Variants in PCDHGB1 observed in about 807,000 individuals in gnomAD.
PCDHGB1 encodes protocadherin gamma-B1.
PCDHGB1 carries 34 observed loss-of-function variants against 56.6 expected under a neutral mutation model. That is an observed-to-expected ratio of 0.60 (90% CI 0.46 to 0.80). The LOEUF (loss-of-function observed/expected upper bound fraction) is 0.80, where lower values mean the gene tolerates loss of function less well. PCDHGB1 is among the 30% of genes least tolerant of loss of function. The pLI is 0.00. For synonymous variants in PCDHGB1, 561 were observed against 505.9 expected, an observed-to-expected ratio of 1.11 and a Z score of -1.46; for missense variants, 1,278 against 1,204.6, an observed-to-expected ratio of 1.06 and a Z score of -0.90.
chr5:141,353,348 A>G (rs1249385439), intron 1 of PCDHGB1, among the ~76,000 whole-genome samples: 2 of 152,194 alleles, frequency 1.3e-5, no homozygotes, highest in Non-Finnish European at 2.9e-5. Context: ...CATCAATTAC[A>G]TTAATTATGT....
intron 1 of PCDHGB1, chr5:141,420,275 G>A: frequency 1.3e-6 from 2 of 1,524,576 alleles, no homozygotes; most frequent in Non-Finnish European, 1.8e-6. Flanking sequence ...TCTTAAACAG[G>A]TAAGTATTTA....
At chr5:141,376,284 G>T (rs1393856164) in intron 1 of PCDHGB1, 12 of 1,614,102 alleles carry the variant, frequency 7.4e-6, no homozygotes, top group Non-Finnish European at 1.0e-5. Flanking sequence ...GGCTTAGCGA[G>T]CATGCCCGGC....
chr5:141,478,102 C>T, intron 1 of PCDHGB1: 1 of 1,614,126 alleles, frequency 6.2e-7, no homozygotes, highest in South Asian at 1.1e-5. Flanking sequence ...CTGCTACCCT[C>T]ACTGTGTCAG....
At chr5:141,394,332 A>G (rs1270394666) in intron 1 of PCDHGB1, 2 of 1,614,010 alleles carry the variant, frequency 1.2e-6, no homozygotes, top group Admixed American at 1.7e-5. Context: ...GTATATCTCC[A>G]TCAACTCTGA....
chr5:141,366,429 T>C (rs1316802460), intron 1 of PCDHGB1: 2 of 1,614,110 alleles, frequency 1.2e-6, no homozygotes, highest in Admixed American at 3.3e-5. Context: ...GTGGCTGCAG[T>C]CTCCTGCGTC....
Position 141,366,209 on chromosome 5 carries a change from C to T in PCDHGB1, c.2409+13540C>T, listed in dbSNP as rs371864119. On this transcript the variant is annotated intron_variant, in intron 1 of 3. Transcript: ENST00000523390. ...GGTTGGGCTGCACACGGGCGAGGTG[C>T]GCACAGCGCGAGCCCTGCTGGACAG... is the stretch of plus-strand genomic sequence containing the variant. The T allele has an allele frequency of 2.5e-6, 4 of 1,613,698 alleles. No individual in the cohort carries two copies. In the African/African-American group the frequency reaches 5.3e-5, roughly 22 times the overall value.
At chr5:141,463,165 C>G (rs1042153238) in intron 1 of PCDHGB1, among the ~76,000 whole-genome samples, 1 of 152,148 alleles carries the variant, frequency 6.6e-6, no homozygotes, top group Non-Finnish European at 1.5e-5. Context: ...TCAGTGCACT[C>G]TATGTATGCT....
chr5:141,510,083 G>A (rs2099879432), intron 3 of PCDHGB1, among the ~76,000 whole-genome samples: 1 of 152,104 alleles, frequency 6.6e-6, no homozygotes, highest in Non-Finnish European at 1.5e-5. Flanking sequence ...CAGAGTGCCT[G>A]GCACACAGTA....
intron 1 of PCDHGB1, chr5:141,387,595 A>C (rs191053839): frequency 6.0e-5 from 32 of 532,776 alleles, no homozygotes; most frequent in Admixed American, 2.6e-4. Flanking sequence ...AACTTGAAGC[A>C]GCAGAGGCTG....
intron 1 of PCDHGB1, chr5:141,413,459 A>G: frequency 6.2e-7 from 1 of 1,614,080 alleles, no homozygotes; most frequent in Non-Finnish European, 8.5e-7. Flanking sequence ...GGCAGGATAG[A>G]CCGGGAGGAG....
In PCDHGB1 at chr5:141,350,239, A is replaced by G; in HGVS notation, c.-22A>G. 6.7e-7 allele frequency: 1 copy of G among 1,503,466 alleles called. No individual in the cohort carries two copies. The highest frequency in any genetic ancestry group is 8.9e-7 in the Non-Finnish European group (1 of 1,127,954). The allele number at this position is 1,503,466 out of a possible 1,614,324, so 93.1% of individuals were successfully genotyped here. Reference sequence around the variant, plus strand: ...TTTGAAAAACATCCCAGAGGAAAGAAGCTCCGCGGAGAGTTCCTGAAATGC... The same window carrying G: ...TTTGAAAAACATCCCAGAGGAAAGAGGCTCCGCGGAGAGTTCCTGAAATGC... On this transcript the variant is annotated 5_prime_UTR_variant, in exon 1 of 4. Coordinates refer to ENST00000523390, the MANE Select transcript of PCDHGB1 (RefSeq NM_018922.3).
At chr5:141,356,305 T>G in intron 1 of PCDHGB1, 1 of 1,554,530 alleles carries the variant, frequency 6.4e-7, no homozygotes, top group Non-Finnish European at 8.7e-7. Context: ...AATTGCACTT[T>G]TCAACGTGCA....
Position 141,485,183 on chromosome 5 carries a change from A to C in PCDHGB1, c.2410-9624A>C, listed in dbSNP as rs777796801. On this transcript the variant is annotated intron_variant, in intron 1 of 3. Transcript: ENST00000523390. This position sits in a 1 kb window ranked among gnomAD's most constrained non-coding sequence, Gnocchi z 5.7. ...TTAGCGGGCGGCAGCAATGCTCCGC[A>C]AGGTGAGAAGCTGGACAGAAATCTG... 1.9e-6 allele frequency: 3 copies of C among 1,613,248 alleles called. No individual in the cohort carries two copies. The highest frequency in any genetic ancestry group is 3.3e-5 in the Admixed American group (2 of 60,006).
chr5:141,353,792 A>G (rs1327705578), intron 1 of PCDHGB1, among the ~76,000 whole-genome samples: 1 of 152,212 alleles, frequency 6.6e-6, no homozygotes, highest in African/African-American at 2.4e-5. Context: ...TTATTTCCAA[A>G]CATCTTATTT....
rs11575954 is a variant in PCDHGB1 at position 141,376,006 on chromosome 5, C to T, written c.2409+23337C>T. The T allele has an allele frequency of 4.7e-3, 7,621 of 1,612,710 alleles. 42 individuals are homozygous for T. Among genetic ancestry groups the T allele is most frequent in the Admixed American group, 8.7e-3 (524 of 59,936 alleles). On this transcript the variant is annotated intron_variant, in intron 1 of 3. Transcript: ENST00000523390. ...TGGACAGAGACGCGCTCAAGCAGAG[C>T]CTAGTGGTGGCCGTCCAGGACCACG...
At chr5:141,415,177 G>A (rs758980730) in intron 1 of PCDHGB1, 26 of 1,613,808 alleles carry the variant, frequency 1.6e-5, no homozygotes, top group East Asian at 4.5e-5. Flanking sequence ...CACCGTGGCC[G>A]TGGCCGACAG....
Position 141,350,138 on chromosome 5 carries a change from C to A in PCDHGB1, c.-123C>A. On this transcript the variant is annotated 5_prime_UTR_variant, in exon 1 of 4. Coordinates refer to ENST00000523390, the MANE Select transcript of PCDHGB1 (RefSeq NM_018922.3). ...TCCGGTGCACTGAGCACAGACGCTGCTCCTGTTCACCCTCGAGCGCCTAAC... is the reference window on the plus strand; with the variant it reads ...TCCGGTGCACTGAGCACAGACGCTGATCCTGTTCACCCTCGAGCGCCTAAC... 2.5e-6 allele frequency: 2 copies of A among 788,660 alleles called. No homozygotes were observed. The highest frequency in any genetic ancestry group is 3.7e-6 in the Non-Finnish European group (2 of 543,464). The allele number at this position is 788,660 out of a possible 1,614,324, so 48.9% of individuals were successfully genotyped here.
chr5:141,511,237 T>C lies in PCDHGB1; in HGVS notation c.*64T>C, dbSNP rs886816274. 1.9e-6 allele frequency: 3 copies of C among 1,590,378 alleles called. No homozygotes were observed. The South Asian group carries it at 3.4e-5, about 18-fold the overall frequency. ...CCAACCAGCCCAGCTTCTCCTTACC[T>C]GCACCCAGGCCTCAGAGTTTCAGGG... On this transcript the variant is annotated 3_prime_UTR_variant, in exon 4 of 4. Coordinates refer to ENST00000523390, the MANE Select transcript of PCDHGB1 (RefSeq NM_018922.3).
chr5:141,422,575 C>G, intron 1 of PCDHGB1: 1 of 1,613,976 alleles, frequency 6.2e-7, no homozygotes, highest in Non-Finnish European at 8.5e-7. Flanking sequence ...CAACGATAAC[C>G]CTCCCGTTTT....
Sources: gnomAD v4.1 joint callset for allele counts (sites outside exome capture counted in the v4.1 genomes callset) on GRCh38, gnomAD v4.1.1 for gene constraint, Gnocchi (gnomAD v3.1) non-coding constraint, MANE v1.5 for transcripts, NCBI Gene and HGNC (gene_info 2026-07-23, HGNC 2026-07-21) for gene names.